The following SORCS1 variants were observed in gnomAD, a reference collection of about 807,000 sequenced individuals.
SORCS1 encodes the protein sortilin related VPS10 domain containing receptor 1.
In SORCS1, 60 loss-of-function variants were observed where a neutral mutation model predicts 146.1. The ratio of observed to expected loss-of-function variants is 0.41; its 90% CI spans 0.33 to 0.51. The LOEUF (loss-of-function observed/expected upper bound fraction) is 0.51. SORCS1 is among the 20% of genes least tolerant of loss of function. The probability of loss-of-function intolerance (pLI) is 0.21; values close to 1 mark genes in which losing one functional copy is unlikely to be tolerated. For missense variants in SORCS1, 1,352 were observed against 1,487.6 expected, an observed-to-expected ratio of 0.91 and a Z score of 1.50; for synonymous variants, 637 against 584.0, an observed-to-expected ratio of 1.09 and a Z score of -1.31.
chr10:106,597,947 T>C (rs1243156411), intron 23 of SORCS1, among the ~76,000 whole-genome samples: 1 of 152,196 alleles, frequency 6.6e-6, no homozygotes, highest in Non-Finnish European at 1.5e-5. Flanking sequence ...AGCCACAACG[T>C]AAGTAACAAA....
At position 107,065,466 on chromosome 10, in the gene SORCS1, C is replaced by T. The variant is rs1351194898; in HGVS notation, c.558+98503G>A. Among the ~76,000 whole-genome samples, 587 of 58,866 alleles carry T rather than the reference C, an allele frequency of 1.0e-2. 32 individuals are homozygous for T. Among genetic ancestry groups the T allele is most frequent in the African/African-American group, 0.036 (552 of 15,296 alleles). The allele number at this position is 58,866 out of a possible 152,430, so 38.6% of individuals were successfully genotyped here. A position where few individuals can be genotyped will look rare whatever the true frequency, so the allele number is the denominator to read the frequency against. Reference sequence around the variant, plus strand: ...TTCTTTCTTTTCTCTCTTTCTCTCTCCCTCTCCTCTCCTCTCCTCTCCTCT... The same window carrying T: ...TTCTTTCTTTTCTCTCTTTCTCTCTTCCTCTCCTCTCCTCTCCTCTCCTCT... On this transcript the variant is annotated intron_variant, in intron 1 of 25. Coordinates refer to ENST00000263054, the MANE Select transcript of SORCS1 (RefSeq NM_052918.5).
intron 1 of SORCS1, among the ~76,000 whole-genome samples, chr10:107,024,966 C>T (rs1014567992): frequency 3.3e-5 from 5 of 152,166 alleles, no homozygotes; most frequent in African/African-American, 1.2e-4. Flanking sequence ...ATTTAACTAG[C>T]TGGCTTGGGG....
chr10:106,959,153 C>T (rs1318492794), intron 1 of SORCS1, among the ~76,000 whole-genome samples: 1 of 152,148 alleles, frequency 6.6e-6, no homozygotes, highest in Non-Finnish European at 1.5e-5. Flanking sequence ...TTTAAGCAAT[C>T]CCAGGGCAGG....
At chr10:106,927,424 G>A (rs577375439) in intron 2 of SORCS1, among the ~76,000 whole-genome samples, 16 of 152,222 alleles carry the variant, frequency 1.1e-4, no homozygotes, top group Non-Finnish European at 2.4e-4. Flanking sequence ...AGACCTTGGC[G>A]GTGAGTGTTA....
chr10:107,077,481 C>T (rs934279066), intron 1 of SORCS1, among the ~76,000 whole-genome samples: 1 of 151,100 alleles, frequency 6.6e-6, no homozygotes, highest in African/African-American at 2.4e-5. Context: ...TAGATGTTTA[C>T]ATAGAACAAG....
intron 1 of SORCS1, among the ~76,000 whole-genome samples, chr10:107,036,206 TA>T (rs1027308226): frequency 6.8e-5 from 9 of 132,110 alleles, no homozygotes; most frequent in South Asian, 4.4e-4. Context: ...GATACAGCAA[TA>T]AAAAATAATA....
intron 1 of SORCS1, among the ~76,000 whole-genome samples, chr10:107,148,274 G>A (rs1404545836): frequency 6.6e-6 from 1 of 152,188 alleles, no homozygotes; most frequent in East Asian, 1.9e-4. Flanking sequence ...AAACGTTCCT[G>A]TAAAGGGTCA....
Position 106,684,665 on chromosome 10 carries a change from C to A in SORCS1, c.1560+3527G>T, listed in dbSNP as rs188699395. Among the ~76,000 whole-genome samples, 1,405 of 152,290 alleles carry A rather than the reference C, an allele frequency of 9.2e-3. 10 individuals are homozygous for A. Among genetic ancestry groups the A allele is most frequent in the Non-Finnish European group, 0.016 (1,059 of 68,026 alleles). ...GCATAGATTTTTACCAGGAACACTG[C>A]ATTCGGGCTGCAATTCTGAACTTAT... On this transcript the variant is annotated intron_variant, in intron 10 of 25. Transcript: ENST00000263054.
chr10:107,098,912 C>T (rs1369967928), intron 1 of SORCS1, among the ~76,000 whole-genome samples: 1 of 152,066 alleles, frequency 6.6e-6, no homozygotes, highest in African/African-American at 2.4e-5. Flanking sequence ...GACATAGGAC[C>T]AGAACTCAGA....
At position 107,162,615 on chromosome 10, in the gene SORCS1, T is replaced by A. The variant is rs1590279799; in HGVS notation, c.558+1354A>T. Among the ~76,000 whole-genome samples, 4 of 152,184 alleles carry A rather than the reference T, an allele frequency of 2.6e-5. No individual in the cohort carries two copies. In the East Asian group the frequency reaches 7.7e-4, roughly 29 times the overall value. ...TGCTACTACTCTCAGGACAGATACATCAATGCTAAATATTATCTATCATGA... is the reference window on the plus strand; with the variant it reads ...TGCTACTACTCTCAGGACAGATACAACAATGCTAAATATTATCTATCATGA... On this transcript the variant is annotated intron_variant, in intron 1 of 25. Transcript: ENST00000263054.
intron 1 of SORCS1, among the ~76,000 whole-genome samples, chr10:107,065,053 C>T (rs59628836): frequency 0.13 from 20,019 of 152,064 alleles, 1,587 homozygotes; most frequent in South Asian, 0.18. Context: ...CTCACTGTTT[C>T]CCTCAGGTAG....
intron 1 of SORCS1, among the ~76,000 whole-genome samples, chr10:107,004,708 T>C (rs968943187): frequency 1.3e-5 from 2 of 152,198 alleles, no homozygotes; most frequent in Non-Finnish European, 2.9e-5. Context: ...GCTACTCTTC[T>C]GGGAAGCCCT....
chr10:106,721,564 G>C (rs1361361549), intron 6 of SORCS1, among the ~76,000 whole-genome samples: 1 of 152,206 alleles, frequency 6.6e-6, no homozygotes, highest in Non-Finnish European at 1.5e-5. Context: ...TTTGCTCTCA[G>C]ATGGGTTATA....
At chr10:106,675,765 T>C (rs1308104255) in intron 13 of SORCS1, among the ~76,000 whole-genome samples, 1 of 152,206 alleles carries the variant, frequency 6.6e-6, no homozygotes, top group Non-Finnish European at 1.5e-5. Context: ...ATGATGATTT[T>C]AGAAGGTGGA....
Position 107,164,504 on chromosome 10 carries a change from C to G in SORCS1, c.23G>C (p.Gly8Ala). MGKVGAGGGSQARLSALL... is the reference protein window; with the variant it reads MGKVGAGAGSQARLSALL... ...CGCGCTCAGCCGGGCTTGGGAGCCG[C>G]CGCCGGCGCCAACTTTTCCCATCGC... Residue 8 changes from glycine (G) to alanine (A), a missense_variant, in exon 1 of 26, where the codon GGC becomes GCC. By Grantham distance (60) the Gly-to-Ala change is moderately conservative. Coordinates refer to ENST00000263054, the MANE Select transcript of SORCS1 (RefSeq NM_052918.5). This position sits in a 1 kb window ranked among gnomAD's most constrained non-coding sequence, Gnocchi z 6.8. 7.4e-7 allele frequency: 1 copy of G among 1,347,874 alleles called. No individual in the cohort carries two copies. Among genetic ancestry groups the G allele is most frequent in the Non-Finnish European group, 9.5e-7 (1 of 1,056,960 alleles). 83.5% of individuals were successfully genotyped at this position (1,347,874 alleles called of 1,614,324 possible).
chr10:106,656,738 G>C (rs1347594571), intron 17 of SORCS1, among the ~76,000 whole-genome samples: 1 of 151,888 alleles, frequency 6.6e-6, no homozygotes, highest in East Asian at 1.9e-4. Flanking sequence ...GGTGACAGTA[G>C]CTTAGTAGCT....
chr10:107,127,876 T>C (rs1225485845), intron 1 of SORCS1, among the ~76,000 whole-genome samples: 1 of 152,224 alleles, frequency 6.6e-6, no homozygotes, highest in African/African-American at 2.4e-5. Context: ...CTTTAAAACT[T>C]ATCTCTTTCC....
Position 106,761,653 on chromosome 10 carries a change from G to C in SORCS1, c.894C>G (p.Ser298Arg), listed in dbSNP as rs1245656950. 6.2e-7 allele frequency: 1 copy of C among 1,613,964 alleles called. No homozygotes were observed. The highest frequency in any genetic ancestry group is 1.3e-5 in the African/African-American group (1 of 74,920). ...LAYSQDQKLY[S>R]SAEFGRRWQL... Reference sequence around the variant, plus strand: ...GCCATCTTCTCCCAAATTCAGCAGAGCTGTATAACTGTAAAGAACAGAAAT... The same window carrying C: ...GCCATCTTCTCCCAAATTCAGCAGACCTGTATAACTGTAAAGAACAGAAAT... The change falls in exon 5 of 26, where the codon AGC becomes AGG. Residue 298 changes from serine to arginine, a missense_variant. Around this residue, in one of 3 missense-constraint regions of SORCS1, gnomAD observed 490 missense variants for 489.1 expected, o/e 1.00. Transcript: ENST00000263054.
chr10:106,582,173 TTC>T (rs1844961615), intron 24 of SORCS1, among the ~76,000 whole-genome samples: 1 of 151,934 alleles, frequency 6.6e-6, no homozygotes, highest in Admixed American at 6.6e-5. Flanking sequence ...ACCTTTTCCC[TTC>T]TCTTTCCTTC....
Sources: allele counts gnomAD v4.1 joint callset (sites outside exome capture counted in the v4.1 genomes callset), GRCh38; gene constraint gnomAD v4.1.1; regional missense constraint gnomAD v4.1.1; non-coding constraint Gnocchi (gnomAD v3.1); transcripts MANE v1.5; gene names NCBI Gene and HGNC (gene_info 2026-07-23, HGNC 2026-07-21).